The following NCAPD2 variants were observed in gnomAD, a reference collection of about 807,000 sequenced individuals.
The protein encoded by NCAPD2 is condensin complex subunit 1.
A neutral mutation model predicts 164.5 loss-of-function variants in NCAPD2; 100 were observed. The ratio of observed to expected loss-of-function variants is 0.61; its 90% CI spans 0.52 to 0.72. NCAPD2 has a LOEUF of 0.72. Among genes scored for constraint, NCAPD2 ranks in the 30% least tolerant of loss-of-function variants. The pLI is 0.00. For synonymous variants in NCAPD2, 585 were observed against 642.6 expected (o/e 0.91, Z 1.36); for missense variants, 1,560 against 1,749.2 (o/e 0.89, Z 1.93).
intron 2 of NCAPD2, among the ~76,000 whole-genome samples, chr12:6,504,216 T>TATATATATAC (rs1406807438): frequency 5.1e-3 from 117 of 23,098 alleles, no homozygotes; most frequent in Non-Finnish European, 6.6e-3. Context: ...TATATATATA[T>TATATATATAC]AGATATAGAT....
Position 6,528,224 on chromosome 12 carries a change from G to T in NCAPD2, c.3195G>T (p.Lys1065Asn), listed in dbSNP as rs150344215. ...QLRLLFTMLE[K>N]SPLPIVRSNL... is the part of the protein sequence containing the mutation. The stretch of plus-strand genomic sequence containing the variant: ...GTCTTCTGTTCACCATGCTGGAAAA[G>T]TCTCCACTTCCCATTGTCCGGTCTA... Residue 1065 changes from lysine (K) to asparagine (N), a missense_variant, in exon 25 of 32, where the codon AAG becomes AAT. Coordinates refer to ENST00000315579, the MANE Select transcript of NCAPD2 (RefSeq NM_014865.4). This position sits in a 1 kb window ranked among gnomAD's most constrained non-coding sequence, Gnocchi z 5.1. 6.2e-7 allele frequency: 1 copy of T among 1,614,148 alleles called. No homozygotes were observed. The highest frequency in any genetic ancestry group is 8.5e-7 in the Non-Finnish European group (1 of 1,180,036).
intron 15 of NCAPD2, 30 bp downstream of exon 15, chr12:6,522,067 G>T: frequency 6.3e-7 from 1 of 1,581,520 alleles, no homozygotes; most frequent in Non-Finnish European, 8.6e-7. Flanking sequence ...TATAAGGACA[G>T]CCTTGGGGTT....
At chr12:6,525,155 CTG>C (rs1256998725) in intron 17 of NCAPD2, among the ~76,000 whole-genome samples, 15 of 152,052 alleles carry the variant, frequency 9.9e-5, no homozygotes, top group African/African-American at 3.4e-4. Flanking sequence ...AAAATAGTGA[CTG>C]ATTTGTAAAA....
intron 2 of NCAPD2, among the ~76,000 whole-genome samples, chr12:6,507,217 T>A (rs769141956): frequency 6.6e-6 from 1 of 152,196 alleles, no homozygotes; most frequent in Non-Finnish European, 1.5e-5. Flanking sequence ...GCCCAAGCGA[T>A]TCTACTGCCT....
chr12:6,528,683 C>T lies in NCAPD2; in HGVS notation c.3304C>T (p.Arg1102Trp), dbSNP rs760060496. 9.9e-6 allele frequency: 16 copies of T among 1,610,940 alleles called. No individual in the cohort carries two copies. Among genetic ancestry groups the T allele is most frequent in the Middle Eastern group, 1.7e-4 (1 of 6,054 alleles). ...GACCCGCAATTCCATTCCTAGTCTCCGGGACCCTGCTCAGCAAGTGCGGAA... is the reference window on the plus strand; with the variant it reads ...GACCCGCAATTCCATTCCTAGTCTCTGGGACCCTGCTCAGCAAGTGCGGAA... ...PWTPHLYARL[R>W]DPAQQVRKTA... Residue 1102 changes from arginine (R) to tryptophan (W), a missense_variant, in exon 26 of 32, where the codon CGG becomes TGG. Physicochemically the swap from Arg to Trp is moderately radical, Grantham distance 101 (BLOSUM62 -3). Transcript: ENST00000315579. The surrounding 1 kb of genome is among the most constrained non-coding windows in gnomAD (Gnocchi z 5.1).
chr12:6,508,097 G>C (rs556746511), intron 2 of NCAPD2, among the ~76,000 whole-genome samples: 1 of 152,156 alleles, frequency 6.6e-6, no homozygotes, highest in Non-Finnish European at 1.5e-5. Context: ...TTGGGAGGCC[G>C]AGGCAGGTGG....
intron 6 of NCAPD2, among the ~76,000 whole-genome samples, chr12:6,513,715 C>CTGTTTTTTGTTTTTTTTTTTTTTTTTT (rs1946171738): frequency 1.3e-5 from 1 of 74,894 alleles, no homozygotes; most frequent in Non-Finnish European, 2.5e-5. Context: ...GTGACTTTGT[C>CTGTTTTTTGTTTTTTTTTTTTTTTTTT]TTTTTTTTTT....
rs1565539553 is a variant in NCAPD2, at chr12:6,504,197, A to ATG, written c.128-5519_128-5518insGT. Among the ~76,000 whole-genome samples the ATG allele has an allele frequency of 7.2e-4, 15 of 20,884 alleles. No homozygotes were observed. The African/African-American group carries it at 8.2e-3, about 11-fold the overall frequency. The allele number at this position is 20,884 out of a possible 152,430, so 13.7% of individuals were successfully genotyped here. On this transcript the variant is annotated intron_variant, in intron 2 of 31. Transcript: ENST00000315579. ...TATATATATACATATATATATATAT[A>ATG]TATATATATATATATATATAGATAT...
intron 3 of NCAPD2, 133 bp from the exon 4 acceptor site, chr12:6,509,942 C>T: frequency 1.6e-6 from 2 of 1,264,528 alleles, no homozygotes; most frequent in Non-Finnish European, 2.3e-6. Context: ...ACCCAGCTTG[C>T]CACCGTATTT....
intron 13 of NCAPD2, among the ~76,000 whole-genome samples, chr12:6,519,080 C>T (rs1416983161): frequency 2.6e-5 from 4 of 151,638 alleles, no homozygotes; most frequent in African/African-American, 4.8e-5. Context: ...TTAGTAGAGA[C>T]GGGGTTTCAC....
intron 1 of NCAPD2, among the ~76,000 whole-genome samples, chr12:6,494,592 A>T (rs1364164179): frequency 1.3e-5 from 2 of 152,244 alleles, no homozygotes; most frequent in Non-Finnish European, 2.9e-5. Context: ...ATGCTGGGGC[A>T]CTGTTTTGGC....
Position 6,511,218 on chromosome 12 carries a change from T to C in NCAPD2, c.553T>C (p.Trp185Arg). ...QLLQLDIRHLWNHSIIEEEFV... is the reference protein window; with the variant it reads ...QLLQLDIRHLRNHSIIEEEFV... Reference sequence around the variant, plus strand: ...ACTTCAGTTGGACATCCGTCACCTGTGGAACCACTCAATAATTGAAGAAGA... The same window carrying C: ...ACTTCAGTTGGACATCCGTCACCTGCGGAACCACTCAATAATTGAAGAAGA... The change falls in exon 6 of 32, where the codon TGG (tryptophan) becomes CGG (arginine). Residue 185 changes from tryptophan to arginine, a missense_variant. Physicochemically the swap from Trp to Arg is moderately radical, Grantham distance 101. Coordinates refer to ENST00000315579, the MANE Select transcript of NCAPD2 (RefSeq NM_014865.4). 1 of 1,614,220 alleles carries C rather than the reference T, an allele frequency of 6.2e-7. No homozygotes were observed. Among genetic ancestry groups the C allele is most frequent in the South Asian group, 1.1e-5 (1 of 91,092 alleles).
intron 6 of NCAPD2, among the ~76,000 whole-genome samples, chr12:6,513,713 G>GTTTTTTTTTTTTTTTTTTTTTTTTT (rs1303520172): frequency 4.0e-5 from 2 of 50,120 alleles, no homozygotes; most frequent in African/African-American, 2.2e-4. Context: ...TGGTGACTTT[G>GTTTTTTTTTTTTTTTTTTTTTTTTT]TCTTTTTTTT....
Position 6,529,535 on chromosome 12 carries a change from AAGGACAAGCAGAC to A in NCAPD2, c.3598_3610del (p.Asp1200ArgfsTer64), listed in dbSNP as rs780149156. The A allele has an allele frequency of 6.2e-7, 1 of 1,614,064 alleles. No individual in the cohort carries two copies. Among genetic ancestry groups the A allele is most frequent in the Non-Finnish European group, 8.5e-7 (1 of 1,179,992 alleles). ...CAGACAGCTCCTCTCCTACATCACC[AAGGACAAGCAGAC>A]AGAGAGCCTGGTGGAAAAGCTGTGT... On this transcript the variant is annotated frameshift_variant, in exon 28 of 32. Coordinates refer to ENST00000315579, the MANE Select transcript of NCAPD2 (RefSeq NM_014865.4). LOFTEE classifies it high-confidence loss of function.
At chr12:6,499,539 C>G (rs1191470885) in intron 2 of NCAPD2, among the ~76,000 whole-genome samples, 1 of 152,084 alleles carries the variant, frequency 6.6e-6, no homozygotes, top group Non-Finnish European at 1.5e-5. Context: ...AGGTGCCCAC[C>G]ACCACATCCA....
chr12:6,496,793 G>A (rs1005104236), intron 2 of NCAPD2, among the ~76,000 whole-genome samples: 1 of 152,090 alleles, frequency 6.6e-6, no homozygotes, highest in Non-Finnish European at 1.5e-5. Context: ...AAGTAGCTGG[G>A]ACCACAGACA....
chr12:6,497,849 C>A (rs539072282), intron 2 of NCAPD2, among the ~76,000 whole-genome samples: 2 of 151,982 alleles, frequency 1.3e-5, no homozygotes, highest in South Asian at 4.2e-4. Context: ...CAACTCCTGA[C>A]CTGATGATCC....
intron 13 of NCAPD2, among the ~76,000 whole-genome samples, chr12:6,518,504 G>GTTTTTGTTTTTTTTTTT: frequency 0.012 from 552 of 44,778 alleles, 92 homozygotes; most frequent in Middle Eastern, 0.037. Context: ...CCGTCAACAA[G>GTTTTTGTTTTTTTTTTT]TTTTTTTTTT....
intron 2 of NCAPD2, among the ~76,000 whole-genome samples, chr12:6,504,302 C>T (rs974382289): frequency 6.7e-6 from 1 of 149,578 alleles, no homozygotes; most frequent in African/African-American, 2.5e-5. Context: ...AGTCAAAAAT[C>T]TGCATATGTA....
Sources: gnomAD v4.1 joint callset for allele counts (sites outside exome capture counted in the v4.1 genomes callset) on GRCh38, gnomAD v4.1.1 for gene constraint, Gnocchi (gnomAD v3.1) non-coding constraint, MANE v1.5 for transcripts, NCBI Gene and HGNC (gene_info 2026-07-23, HGNC 2026-07-21) for gene names.